The following EHD3 variants were observed in gnomAD, a reference collection of about 807,000 sequenced individuals.
The protein encoded by EHD3 is EH domain containing 3, also known as EH domain-containing protein 3.
EHD3 carries 17 observed loss-of-function variants against 43.0 expected under a neutral mutation model. The ratio of observed to expected loss-of-function variants is 0.40; its 90% CI spans 0.27 to 0.59. EHD3 has a LOEUF of 0.59. Among genes scored for constraint, EHD3 ranks in the 20% least tolerant of loss-of-function variants. The probability of loss-of-function intolerance (pLI) is 0.49; values close to 1 mark genes in which losing one functional copy is unlikely to be tolerated. For synonymous variants in EHD3, 313 were observed against 289.5 expected, an observed-to-expected ratio of 1.08 and a Z score of -0.82; for missense variants, 594 against 705.6, an observed-to-expected ratio of 0.84 and a Z score of 1.79.
At position 31,247,574 on chromosome 2, in the gene EHD3, G is replaced by C. The variant is rs146859437; in HGVS notation, c.405-1797G>C. On this transcript the variant is annotated intron_variant, in intron 2 of 5. Coordinates refer to ENST00000322054, the MANE Select transcript of EHD3 (RefSeq NM_014600.3). ...AAGGAAAGAAATGTGGCCACAGGAG[G>C]GGCTGTGTCTCCTGCCTCCTTCCCA... 5.9e-3 allele frequency among the ~76,000 whole-genome samples: 899 copies of C among 152,274 alleles called. 4 individuals are homozygous for C. Among genetic ancestry groups the C allele is most frequent in the Middle Eastern group, 0.014 (4 of 294 alleles).
intron 1 of EHD3, among the ~76,000 whole-genome samples, chr2:31,237,065 C>T (rs987458297): frequency 4.6e-5 from 7 of 152,170 alleles, no homozygotes; most frequent in African/African-American, 9.7e-5. Context: ...TTAGCTCATG[C>T]GTCAAAAGCT....
intron 2 of EHD3, among the ~76,000 whole-genome samples, chr2:31,245,771 G>A (rs898006838): frequency 5.1e-5 from 7 of 137,724 alleles, no homozygotes; most frequent in African/African-American, 2.0e-4. Context: ...AGTAGAGACA[G>A]GGTTTCTCCA....
At chr2:31,252,384 TG>T (rs771494289) in intron 3 of EHD3, among the ~76,000 whole-genome samples, 3 of 152,248 alleles carry the variant, frequency 2.0e-5, no homozygotes, top group Non-Finnish European at 4.4e-5. Context: ...CACCTGTATG[TG>T]GCAGGCTGGT....
chr2:31,239,955 T>C (rs576263277), intron 1 of EHD3, among the ~76,000 whole-genome samples: 48 of 152,152 alleles, frequency 3.2e-4, no homozygotes, highest in Non-Finnish European at 6.3e-4. Context: ...CTGGGGACGG[T>C]GCCGGGTAGT....
chr2:31,266,579 A>G lies in EHD3; in HGVS notation c.1483A>G (p.Met495Val). Reference sequence around the variant, plus strand: ...GCTGGCCGACATTGACAAGGATGGCATGCTGGACGACGACGAGTTTGCACT... The same window carrying G: ...GCTGGCCGACATTGACAAGGATGGCGTGCTGGACGACGACGAGTTTGCACT... ...WKLADIDKDG[M>V]LDDDEFALAN... Residue 495 changes from methionine (M) to valine (V), a missense_variant, in exon 6 of 6, where the codon ATG (methionine) becomes GTG (valine). Physicochemically the swap from Met to Val is conservative, Grantham distance 21 (BLOSUM62 1). Transcript: ENST00000322054. This position sits in a 1 kb window ranked among gnomAD's most constrained non-coding sequence, Gnocchi z 5.1. 6.2e-7 allele frequency: 1 copy of G among 1,614,206 alleles called. No homozygotes were observed. Among genetic ancestry groups the G allele is most frequent in the South Asian group, 1.1e-5 (1 of 91,084 alleles).
At chr2:31,262,367 A>T (rs1178124444) in intron 5 of EHD3, among the ~76,000 whole-genome samples, 1 of 152,212 alleles carries the variant, frequency 6.6e-6, no homozygotes, top group Non-Finnish European at 1.5e-5. Flanking sequence ...CCAAAGGTCC[A>T]AGCAGGAAAC....
intron 1 of EHD3, among the ~76,000 whole-genome samples, chr2:31,235,266 C>G (rs187434975): frequency 3.3e-5 from 5 of 152,174 alleles, no homozygotes; most frequent in Admixed American, 6.5e-5. Flanking sequence ...CCTTGTTTTT[C>G]AAGGGGCTTG....
intron 3 of EHD3, among the ~76,000 whole-genome samples, chr2:31,258,904 C>T (rs1479931828): frequency 1.5e-5 from 2 of 132,448 alleles, no homozygotes; most frequent in Non-Finnish European, 3.2e-5. Context: ...TTTTAAGAAG[C>T]CCTGGGGGGA....
Position 31,260,444 on chromosome 2 carries a change from C to T in EHD3, c.503-66C>T. ...ACTGTGTTATTTCTACCACACCCGA[C>T]TGCTTCTCCAAACCCCTACCCTATA... On this transcript the variant is annotated intron_variant, in intron 3 of 5. Transcript: ENST00000322054. This position sits in a 1 kb window ranked among gnomAD's most constrained non-coding sequence, Gnocchi z 4.6. 3.4e-6 allele frequency: 5 copies of T among 1,475,490 alleles called. No homozygotes were observed. Among genetic ancestry groups the T allele is most frequent in the Non-Finnish European group, 4.6e-6 (5 of 1,098,432 alleles). 91.4% of individuals were successfully genotyped at this position (1,475,490 alleles called of 1,614,324 possible). A position where few individuals can be genotyped will look rare whatever the true frequency, so the allele number is the denominator to read the frequency against.
intron 3 of EHD3, among the ~76,000 whole-genome samples, chr2:31,259,041 G>C (rs1683801093): frequency 6.6e-6 from 1 of 152,168 alleles, no homozygotes; most frequent in Non-Finnish European, 1.5e-5. Context: ...GGCAGGGCAG[G>C]CTTTTTCCTA....
At chr2:31,245,170 A>G (rs1683493786) in intron 2 of EHD3, among the ~76,000 whole-genome samples, 1 of 152,164 alleles carries the variant, frequency 6.6e-6, no homozygotes, top group Non-Finnish European at 1.5e-5. Flanking sequence ...ACTTTTTCTA[A>G]TTGGAGGTTT....
intron 2 of EHD3, among the ~76,000 whole-genome samples, chr2:31,248,848 A>T (rs562360029): frequency 6.6e-6 from 1 of 152,036 alleles, no homozygotes; most frequent in African/African-American, 2.4e-5. Context: ...CCAGACCCTG[A>T]CTCTGCAGTG....
intron 3 of EHD3, among the ~76,000 whole-genome samples, chr2:31,254,216 CAG>C (rs1185595070): frequency 6.6e-6 from 1 of 152,168 alleles, no homozygotes; most frequent in African/African-American, 2.4e-5. Flanking sequence ...CGGAAGAGCA[CAG>C]GGGGTAGGAA....
At chr2:31,239,223 C>T (rs1015266046) in intron 1 of EHD3, among the ~76,000 whole-genome samples, 16 of 152,212 alleles carry the variant, frequency 1.1e-4, no homozygotes, top group African/African-American at 3.6e-4. Context: ...GTGAGAGGGC[C>T]ACCACCCCAG....
Position 31,261,567 on chromosome 2 carries a change from A to G in EHD3, c.934A>G (p.Ser312Gly), listed in dbSNP as rs1368220741. 6.2e-7 allele frequency: 1 copy of G among 1,614,106 alleles called. No homozygotes were observed. Among genetic ancestry groups the G allele is most frequent in the East Asian group, 2.2e-5 (1 of 44,894 alleles). The change falls in exon 5 of 6, where the codon AGC becomes GGC. Residue 312 changes from serine (S) to glycine (G), a missense_variant. Physicochemically the swap from Ser to Gly is moderately conservative, Grantham distance 56 (BLOSUM62 0). Around this residue, in one of 3 missense-constraint regions of EHD3, gnomAD observed 322 missense variants for 348.0 expected, o/e 0.93. Transcript: ENST00000322054. ...TTGTCAGGTCCACGCCTACATCATCAGCTCTCTGAAGAAGGAGATGCCCTC... is the reference window on the plus strand; with the variant it reads ...TTGTCAGGTCCACGCCTACATCATCGGCTCTCTGAAGAAGGAGATGCCCTC... ...RLAKVHAYII[S>G]SLKKEMPSVF...
Position 31,266,154 on chromosome 2 carries a change from A to C in EHD3, c.1081-23A>C. The C allele has an allele frequency of 1.3e-6, 2 of 1,591,850 alleles. No individual in the cohort carries two copies. The highest frequency in any genetic ancestry group is 1.7e-6 in the Non-Finnish European group (2 of 1,166,492). On this transcript the variant is annotated intron_variant, in intron 5 of 5. Transcript: ENST00000322054. This position sits in a 1 kb window ranked among gnomAD's most constrained non-coding sequence, Gnocchi z 5.1. Reference sequence around the variant, plus strand: ...TCTCCTTTCATCGTATCCTATCTTCATCCTCTCTCCTCCTCTTCCCAGGAC... The same window carrying C: ...TCTCCTTTCATCGTATCCTATCTTCCTCCTCTCTCCTCCTCTTCCCAGGAC...
chr2:31,241,752 A>G (rs1053623874), intron 1 of EHD3, among the ~76,000 whole-genome samples: 3 of 152,196 alleles, frequency 2.0e-5, no homozygotes, highest in African/African-American at 7.2e-5. Context: ...TGTTAGAGAA[A>G]GCAGGTTGGC....
intron 3 of EHD3, among the ~76,000 whole-genome samples, chr2:31,253,227 T>A (rs1412686953): frequency 9.0e-6 from 1 of 110,850 alleles, no homozygotes; most frequent in Non-Finnish European, 1.8e-5. Flanking sequence ...ACTCCCCTCT[T>A]CCCCACAGCA....
chr2:31,253,893 C>A (rs1378737387), intron 3 of EHD3, among the ~76,000 whole-genome samples: 1 of 152,164 alleles, frequency 6.6e-6, no homozygotes, highest in Non-Finnish European at 1.5e-5. Flanking sequence ...TGGCTCATTA[C>A]TGGGAAGAAG....
Sources: gnomAD v4.1 joint callset for allele counts (sites outside exome capture counted in the v4.1 genomes callset) on GRCh38, gnomAD v4.1.1 for gene constraint, gnomAD v4.1.1 regional missense constraint, Gnocchi (gnomAD v3.1) non-coding constraint, MANE v1.5 for transcripts, NCBI Gene and HGNC (gene_info 2026-07-23, HGNC 2026-07-21) for gene names.